MRPL13: variants seen among roughly 807,000 people sequenced by gnomAD.
The protein encoded by MRPL13 is mitochondrial ribosomal protein L13.
A neutral mutation model predicts 29.0 loss-of-function variants in MRPL13; 33 were observed. The ratio of observed to expected loss-of-function variants is 1.14; its 90% CI spans 0.86 to 1.52. The LOEUF (loss-of-function observed/expected upper bound fraction) is 1.52. MRPL13 is among the 40% of genes most tolerant of loss of function. MRPL13 has a pLI of 0.00. For synonymous variants in MRPL13, 77 were observed against 68.4 expected, an observed-to-expected ratio of 1.13 and a Z score of -0.62; for missense variants, 227 against 216.7, an observed-to-expected ratio of 1.05 and a Z score of -0.30.
chr8:120,410,936 G>C (rs758402548), intron 6 of MRPL13, among the ~76,000 whole-genome samples: 1 of 151,818 alleles, frequency 6.6e-6, no homozygotes, highest in Non-Finnish European at 1.5e-5. Flanking sequence ...CACCATATCC[G>C]GCTAGTTTTT....
chr8:120,439,735 A>C (rs1424793674), intron 2 of MRPL13, among the ~76,000 whole-genome samples: 1 of 152,212 alleles, frequency 6.6e-6, no homozygotes, highest in Non-Finnish European at 1.5e-5. Flanking sequence ...ATACTCACAG[A>C]TTTCAGAGTA....
intron 3 of MRPL13, among the ~76,000 whole-genome samples, chr8:120,426,419 TTC>T (rs1041132869): frequency 5.9e-5 from 9 of 152,144 alleles, no homozygotes; most frequent in Non-Finnish European, 1.3e-4. Context: ...AAAATTGATA[TTC>T]TCTTTTTTCA....
chr8:120,417,337 T>C (rs148308788), intron 5 of MRPL13, among the ~76,000 whole-genome samples: 5 of 152,320 alleles, frequency 3.3e-5, no homozygotes, highest in African/African-American at 7.2e-5. Flanking sequence ...AGATGCCCTT[T>C]ACAAATAATA....
chr8:120,419,731 A>C lies in MRPL13; in HGVS notation c.393+121T>G, dbSNP rs1211934479. ...ATACATATTCATTTAAAAATACAAA[A>C]ATATTTCAGAAGTTGACATAAAATT... is the stretch of plus-strand genomic sequence containing the variant. On this transcript the variant is annotated intron_variant, in intron 5 of 6. Coordinates refer to ENST00000306185, the MANE Select transcript of MRPL13 (RefSeq NM_014078.6). 9.9e-6 allele frequency: 6 copies of C among 608,126 alleles called. No individual in the cohort carries two copies. In the Admixed American group the frequency reaches 2.3e-4, roughly 23 times the overall value. 37.7% of individuals were successfully genotyped at this position (608,126 alleles called of 1,614,324 possible). A position where few individuals can be genotyped will look rare whatever the true frequency, so the allele number is the denominator to read the frequency against.
intron 2 of MRPL13, among the ~76,000 whole-genome samples, chr8:120,434,155 T>C (rs988575254): frequency 7.9e-5 from 12 of 152,078 alleles, no homozygotes; most frequent in African/African-American, 2.9e-4. Context: ...AGGTCTCAGA[T>C]AGGTTACACC....
At chr8:120,424,653 C>G (rs1586924107) in intron 4 of MRPL13, among the ~76,000 whole-genome samples, 1 of 151,904 alleles carries the variant, frequency 6.6e-6, no homozygotes, top group East Asian at 1.9e-4. Flanking sequence ...GTAGTCCCAG[C>G]TGCTTGAGAG....
intron 2 of MRPL13, among the ~76,000 whole-genome samples, chr8:120,432,552 T>C (rs1057102306): frequency 9.2e-5 from 14 of 152,112 alleles, no homozygotes; most frequent in African/African-American, 3.4e-4. Context: ...TAAAAAAGTA[T>C]GTTTTACCTA....
At chr8:120,415,652 T>C (rs1012968295) in intron 5 of MRPL13, 12 of 152,162 alleles carry the variant, frequency 7.9e-5, no homozygotes, top group African/African-American at 2.4e-4. Context: ...TAGATACTCT[T>C]GATAATGTGC....
chr8:120,404,500 T>C (rs1812642384), intron 6 of MRPL13, among the ~76,000 whole-genome samples: 2 of 152,198 alleles, frequency 1.3e-5, no homozygotes, highest in Admixed American at 1.3e-4. Flanking sequence ...AAACGTTACA[T>C]TTTCTGTCAA....
chr8:120,443,891 G>T (rs115061134), intron 1 of MRPL13, among the ~76,000 whole-genome samples: 188 of 152,136 alleles, frequency 1.2e-3, no homozygotes, highest in African/African-American at 4.4e-3. Flanking sequence ...GGTATCTTTA[G>T]GTTGCCTCAG....
chr8:120,420,692 G>C (rs369045279), intron 4 of MRPL13, among the ~76,000 whole-genome samples: 1 of 151,562 alleles, frequency 6.6e-6, no homozygotes, highest in Non-Finnish European at 1.5e-5. Context: ...CACTGAAATT[G>C]TTCAATGTTT....
chr8:120,416,058 GT>G (rs1812798571), intron 5 of MRPL13: 1 of 152,156 alleles, frequency 6.6e-6, no homozygotes, highest in Non-Finnish European at 1.5e-5. Flanking sequence ...TTGCTGAATG[GT>G]TAAAATCAAT....
chr8:120,407,695 A>AAACAT (rs1812691683), intron 6 of MRPL13, among the ~76,000 whole-genome samples: 2 of 150,324 alleles, frequency 1.3e-5, no homozygotes, highest in Non-Finnish European at 2.9e-5. Context: ...AAACAAAACA[A>AAACAT]AAAATACATT....
intron 3 of MRPL13, among the ~76,000 whole-genome samples, chr8:120,425,763 G>A (rs1812925346): frequency 6.6e-6 from 1 of 152,096 alleles, no homozygotes; most frequent in South Asian, 2.1e-4. Flanking sequence ...GAAAATGTTG[G>A]TAGTCCACTT....
At chr8:120,420,819 CATTTG>C (rs1346927327) in intron 4 of MRPL13, among the ~76,000 whole-genome samples, 1 of 151,792 alleles carries the variant, frequency 6.6e-6, no homozygotes, top group Non-Finnish European at 1.5e-5. Context: ...TGTTACACGG[CATTTG>C]ATTTTCATGT....
intron 3 of MRPL13, among the ~76,000 whole-genome samples, chr8:120,431,329 C>T (rs939357788): frequency 1.3e-5 from 2 of 152,086 alleles, no homozygotes; most frequent in African/African-American, 4.8e-5. Flanking sequence ...TTAACTAATA[C>T]ATGAGATGAT....
chr8:120,418,480 C>T (rs939877785), intron 5 of MRPL13, among the ~76,000 whole-genome samples: 2 of 152,026 alleles, frequency 1.3e-5, no homozygotes, highest in African/African-American at 4.8e-5. Context: ...TGTGCTACCA[C>T]CAACAATGTA....
intron 3 of MRPL13, among the ~76,000 whole-genome samples, chr8:120,427,840 C>T (rs1223314530): frequency 6.6e-6 from 1 of 151,782 alleles, no homozygotes; most frequent in Non-Finnish European, 1.5e-5. Context: ...TCAGAGATGA[C>T]ACAGACAAAC....
chr8:120,413,796 A>G (rs1812769326), intron 6 of MRPL13, among the ~76,000 whole-genome samples, 195 bp downstream of exon 6: 1 of 152,126 alleles, frequency 6.6e-6, no homozygotes. Flanking sequence ...CTTATCTAGC[A>G]AGGTCTTAAT....
Sources: allele counts gnomAD v4.1 joint callset (sites outside exome capture counted in the v4.1 genomes callset), GRCh38; gene constraint gnomAD v4.1.1; transcripts MANE v1.5; gene names NCBI Gene and HGNC (gene_info 2026-07-23, HGNC 2026-07-21).